The following UTRN variants were observed in gnomAD, a reference collection of about 807,000 sequenced individuals.
UTRN encodes the protein dystrophin-related protein 1.
A neutral mutation model predicts 463.9 loss-of-function variants in UTRN; 283 were observed. The observed-to-expected ratio is 0.61, with a 90% CI of 0.55 to 0.67. The LOEUF (loss-of-function observed/expected upper bound fraction) is 0.67, where lower values mean the gene tolerates loss of function less well. Among genes scored for constraint, UTRN ranks in the 30% least tolerant of loss-of-function variants. UTRN has a pLI of 0.00. For missense variants in UTRN, 3,922 were observed against 4,084.3 expected, an observed-to-expected ratio of 0.96 and a Z score of 1.08; for synonymous variants, 1,442 against 1,431.5, an observed-to-expected ratio of 1.01 and a Z score of -0.17.
chr6:144,836,359 G>A lies in UTRN; in HGVS notation c.9883G>A (p.Val3295Ile). Residue 3295 changes from valine to isoleucine, a missense_variant, in exon 71 of 75, where the codon GTC becomes ATC. Around this residue, in one of 3 missense-constraint regions of UTRN, gnomAD observed 1,309 missense variants for 1,452.6 expected, o/e 0.90. Coordinates refer to ENST00000367545, the MANE Select transcript of UTRN (RefSeq NM_007124.3). ...CCAGCACCTCCGAAGGGGGCTCCCT[G>A]TCGGTTCACCGCCAGAGTCGATTAT... is the stretch of plus-strand genomic sequence containing the variant. The part of the protein sequence containing the change: ...KDQHLRRGLP[V>I]GSPPESIISP... 6.2e-7 allele frequency: 1 copy of A among 1,614,116 alleles called. No individual in the cohort carries two copies. The highest frequency in any genetic ancestry group is 8.5e-7 in the Non-Finnish European group (1 of 1,179,988).
At chr6:144,414,641 ACCACTCAC>A (rs1784212750) in intron 3 of UTRN, among the ~76,000 whole-genome samples, 1 of 152,034 alleles carries the variant, frequency 6.6e-6, no homozygotes, top group Admixed American at 6.6e-5. Context: ...ACATTCATTT[ACCACTCAC>A]CCAGAGCAAT....
rs577254942 is a variant in UTRN at position 144,776,663 on chromosome 6, G to A, written c.8632+2299G>A. 1.1e-4 allele frequency among the ~76,000 whole-genome samples: 17 copies of A among 152,100 alleles called. No homozygotes were observed. The East Asian group carries it at 1.7e-3, about 16-fold the overall frequency. On this transcript the variant is annotated intron_variant, in intron 60 of 74. Coordinates refer to ENST00000367545, the MANE Select transcript of UTRN (RefSeq NM_007124.3). ...TCCACCTCCTTCCCTCTGCTCCACC[G>A]GGGCATCACCATTTCATCATCCACT...
At chr6:144,472,518 A>G (rs758668384) in intron 23 of UTRN, among the ~76,000 whole-genome samples, 17 of 152,206 alleles carry the variant, frequency 1.1e-4, no homozygotes, top group Non-Finnish European at 2.2e-4. Context: ...TTCAAACATT[A>G]TAAGGATCAG....
intron 52 of UTRN, among the ~76,000 whole-genome samples, chr6:144,680,489 A>T (rs1782097250): frequency 1.3e-5 from 2 of 152,210 alleles, no homozygotes; most frequent in African/African-American, 4.8e-5. Context: ...ATGTAATAAT[A>T]AATTAATGTG....
chr6:144,391,073 A>G (rs1444820888), intron 2 of UTRN, among the ~76,000 whole-genome samples: 23 of 151,954 alleles, frequency 1.5e-4, no homozygotes, highest in East Asian at 9.7e-4. Context: ...AAATATTCCC[A>G]GTTCTTTTTT....
chr6:144,361,723 G>A (rs1779093619), intron 2 of UTRN, among the ~76,000 whole-genome samples: 1 of 151,822 alleles, frequency 6.6e-6, no homozygotes, highest in South Asian at 2.1e-4. Flanking sequence ...CAAGTAGCTG[G>A]GACCACAGGT....
intron 1 of UTRN, among the ~76,000 whole-genome samples, chr6:144,288,485 AT>A (rs1803895293): frequency 6.6e-6 from 1 of 151,798 alleles, no homozygotes; most frequent in African/African-American, 2.4e-5. Flanking sequence ...AGGAAAGAGA[AT>A]TTTTCCCTGG....
chr6:144,326,125 A>G (rs73591111), intron 2 of UTRN, among the ~76,000 whole-genome samples: 4,504 of 152,322 alleles, frequency 0.03, 217 homozygotes, highest in African/African-American at 0.1. Context: ...TTGTGTTATC[A>G]TCTTATTTTA....
intron 58 of UTRN, among the ~76,000 whole-genome samples, chr6:144,760,380 A>G (rs1407816660): frequency 6.6e-6 from 1 of 152,186 alleles, no homozygotes; most frequent in East Asian, 1.9e-4. Flanking sequence ...TGTAGCATTT[A>G]AAAAAATCTT....
chr6:144,407,482 C>T (rs977327119), intron 3 of UTRN, among the ~76,000 whole-genome samples: 11 of 152,166 alleles, frequency 7.2e-5, no homozygotes, highest in African/African-American at 2.7e-4. Flanking sequence ...TCCAAACTTT[C>T]CCTATTTACC....
At chr6:144,531,317 T>C in intron 42 of UTRN, 115 bp downstream of exon 42, 1 of 1,083,856 alleles carries the variant, frequency 9.2e-7, no homozygotes, top group Non-Finnish European at 1.2e-6. Flanking sequence ...CAATGGACAA[T>C]TTGTAATTTT....
At chr6:144,717,323 G>T (rs1391368685) in intron 53 of UTRN, among the ~76,000 whole-genome samples, 2 of 152,218 alleles carry the variant, frequency 1.3e-5, no homozygotes, top group Admixed American at 6.5e-5. Flanking sequence ...GGTTAGTCAT[G>T]CCTAGAAGGA....
At chr6:144,617,715 T>C (rs550093159) in intron 51 of UTRN, among the ~76,000 whole-genome samples, 35 of 152,294 alleles carry the variant, frequency 2.3e-4, no homozygotes, top group African/African-American at 8.4e-4. Context: ...TTCTTTTTTT[T>C]CAGCTCTTCG....
intron 12 of UTRN, 120 bp downstream of exon 12, chr6:144,439,015 T>C (rs1377622078): frequency 4.6e-6 from 5 of 1,086,220 alleles, no homozygotes; most frequent in Non-Finnish European, 5.3e-6. Flanking sequence ...CAGGGTTGTC[T>C]TCATTTAGCA....
intron 12 of UTRN, among the ~76,000 whole-genome samples, chr6:144,439,713 G>A (rs921929702): frequency 2.0e-5 from 3 of 152,112 alleles, no homozygotes; most frequent in Admixed American, 2.0e-4. Context: ...ATGTTGGCCA[G>A]GCTGGTCTTG....
At chr6:144,601,493 G>A (rs1804246400) in intron 51 of UTRN, among the ~76,000 whole-genome samples, 1 of 152,182 alleles carries the variant, frequency 6.6e-6, no homozygotes, top group Admixed American at 6.5e-5. Flanking sequence ...GGCAAGAGAA[G>A]TAGAATTAGA....
At chr6:144,607,177 A>G (rs1385620868) in intron 51 of UTRN, among the ~76,000 whole-genome samples, 2 of 152,206 alleles carry the variant, frequency 1.3e-5, no homozygotes, top group African/African-American at 4.8e-5. Context: ...GTTTCTGCAA[A>G]TATTTTGATG....
chr6:144,564,151 G>A (rs1262471416), intron 50 of UTRN, among the ~76,000 whole-genome samples: 4 of 152,108 alleles, frequency 2.6e-5, no homozygotes, highest in Non-Finnish European at 4.4e-5. Context: ...TTGCATAGGG[G>A]GAGCCTGCAA....
At chr6:144,449,963 A>G (rs567629556) in intron 17 of UTRN, among the ~76,000 whole-genome samples, 50 of 152,306 alleles carry the variant, frequency 3.3e-4, no homozygotes, top group African/African-American at 9.1e-4. Flanking sequence ...CCTTGAGTTA[A>G]TAATAGACAT....
Sources: gnomAD v4.1 joint callset for allele counts (sites outside exome capture counted in the v4.1 genomes callset) on GRCh38, gnomAD v4.1.1 for gene constraint, gnomAD v4.1.1 regional missense constraint, MANE v1.5 for transcripts, NCBI Gene and HGNC (gene_info 2026-07-23, HGNC 2026-07-21) for gene names.